The following KCTD18 variants were observed in gnomAD, a reference collection of about 807,000 sequenced individuals.
KCTD18 encodes the protein BTB/POZ domain-containing protein KCTD18.
Under a neutral mutation model 30.4 loss-of-function variants are expected in KCTD18, and 22 were observed. That is an observed-to-expected ratio of 0.72 (90% CI 0.52 to 1.03). The LOEUF (loss-of-function observed/expected upper bound fraction) is 1.03. Among genes scored for constraint, KCTD18 ranks in the 50% least tolerant of loss-of-function variants. The pLI, the probability that KCTD18 is intolerant of heterozygous loss-of-function variation, is 0.00. For synonymous variants in KCTD18, 186 were observed against 209.0 expected (o/e 0.89, Z 0.95); for missense variants, 529 against 547.6 (o/e 0.97, Z 0.34).
chr2:200,490,167 G>A lies in KCTD18; in HGVS notation c.1214C>T (p.Pro405Leu), dbSNP rs375338557. ...GGCACGGGCAGCTTCGCCGGGAAGC[G>A]GCTTGAGGGAGTTGGCCTGCCTCGT... ...TATRQANSLK[P>L]LPGEAARALG... Residue 405 changes from proline (P) to leucine (L), a missense_variant, in exon 7 of 7, where the codon CCG (proline) becomes CTG (leucine). Transcript: ENST00000359878. The A allele has an allele frequency of 3.1e-6, 5 of 1,610,818 alleles. No homozygotes were observed. The highest frequency in any genetic ancestry group is 1.3e-5 in the African/African-American group (1 of 74,870).
chr2:200,507,128 A>G lies in KCTD18; in HGVS notation c.-75-37T>C, dbSNP rs1458621546. ...AGGACAGTCATCCCCGCCATTTCCA[A>G]CAAGACACTAAATAGATAATATAAT... On this transcript the variant is annotated intron_variant, in intron 1 of 6. Transcript: ENST00000359878. 4.1e-6 allele frequency: 3 copies of G among 726,884 alleles called. No individual in the cohort carries two copies. In the East Asian group the frequency reaches 7.9e-5, roughly 19 times the overall value. 45.0% of individuals were successfully genotyped at this position (726,884 alleles called of 1,614,324 possible). A position where few individuals can be genotyped will look rare whatever the true frequency, so the allele number is the denominator to read the frequency against.
In KCTD18 at chr2:200,493,275, C is replaced by A; in HGVS notation, c.662-1G>T. The A allele has an allele frequency of 6.4e-7, 1 of 1,566,844 alleles. No individual in the cohort carries two copies. Among genetic ancestry groups the A allele is most frequent in the Non-Finnish European group, 8.8e-7 (1 of 1,136,924 alleles). On this transcript the variant is annotated splice_acceptor_variant, in intron 5 of 6. Coordinates refer to ENST00000359878, the MANE Select transcript of KCTD18 (RefSeq NM_152387.4). LOFTEE classifies it high-confidence loss of function. ...TGAGGCACCCGCCAGTAGCTAACAC[C>A]TGGAAGGTAAAAAGACATAATTAAG...
At chr2:200,494,075 C>A (rs571788654) in intron 5 of KCTD18, among the ~76,000 whole-genome samples, 1 of 152,148 alleles carries the variant, frequency 6.6e-6, no homozygotes, top group East Asian at 1.9e-4. Flanking sequence ...ATTCTTGAAG[C>A]CTCGAAAACA....
Position 200,509,835 on chromosome 2 carries a change from C to T in KCTD18, c.-283G>A, listed in dbSNP as rs2030425000. On this transcript the variant is annotated 5_prime_UTR_variant, in exon 1 of 7. Coordinates refer to ENST00000359878, the MANE Select transcript of KCTD18 (RefSeq NM_152387.4). ...AAAGCCCCGCCACGGTCTTCCGCGG[C>T]CTGGAGACCCCAAATCGGCCCGAAG... The T allele has an allele frequency of 6.6e-6, 1 of 152,166 alleles. No individual in the cohort carries two copies. The allele number at this position is 152,166 out of a possible 1,614,324, so 9.4% of individuals were successfully genotyped here.
intron 6 of KCTD18, 47 bp from the exon 7 acceptor site, chr2:200,490,663 A>C: frequency 6.6e-7 from 1 of 1,506,292 alleles, no homozygotes; most frequent in South Asian, 1.3e-5. Flanking sequence ...AGTTTTAGTA[A>C]CTCATGAAAA....
intron 3 of KCTD18, among the ~76,000 whole-genome samples, chr2:200,502,270 T>C (rs2029895693): frequency 6.6e-6 from 1 of 151,842 alleles, no homozygotes; most frequent in Non-Finnish European, 1.5e-5. Context: ...ACGTGTACCC[T>C]AAAACTTAAA....
intron 5 of KCTD18, chr2:200,497,539 CTAGT>C: frequency 2.1e-6 from 1 of 473,092 alleles, no homozygotes; most frequent in Non-Finnish European, 3.7e-6. Context: ...AGAAACATAC[CTAGT>C]TACTGAATTA....
In KCTD18 at chr2:200,490,061, T is replaced by G. The variant is rs1255649935; in HGVS notation, c.*39A>C. On this transcript the variant is annotated 3_prime_UTR_variant, in exon 7 of 7. Coordinates refer to ENST00000359878, the MANE Select transcript of KCTD18 (RefSeq NM_152387.4). ...CTTTGCGTCGAATGGGTTGAAAGCT[T>G]TGGGAGATGAACGGGAAATTTCAAG... is the stretch of plus-strand genomic sequence containing the variant. The G allele has an allele frequency of 4.6e-6, 7 of 1,527,724 alleles. No homozygotes were observed. The African/African-American group carries it at 9.6e-5, about 21-fold the overall frequency. The allele number at this position is 1,527,724 out of a possible 1,614,324, so 94.6% of individuals were successfully genotyped here.
In KCTD18 at chr2:200,497,795, A is replaced by G. The variant is rs1367274811; in HGVS notation, c.619T>C (p.Leu207=). ...YIWSYYSVAE[L]KKMMDAFDAW... The stretch of plus-strand genomic sequence containing the variant: ...TCAAAGGCATCCATCATTTTCTTCA[A>G]CTCTGCTACTGAATAATAGCTCCAA... The change falls in exon 5 of 7, where the codon TTG becomes CTG. Residue 207 remains leucine (L), a synonymous_variant. Coordinates refer to ENST00000359878, the MANE Select transcript of KCTD18 (RefSeq NM_152387.4). 3 of 1,612,780 alleles carry G rather than the reference A, an allele frequency of 1.9e-6. No individual in the cohort carries two copies. The highest frequency in any genetic ancestry group is 2.2e-5 in the East Asian group (1 of 44,772).
intron 5 of KCTD18, chr2:200,496,077 C>A (rs1179329078): frequency 6.6e-6 from 1 of 152,074 alleles, no homozygotes. Context: ...GCCACCACAC[C>A]CAGCTAATTT....
chr2:200,494,765 G>T (rs2087972275), intron 5 of KCTD18, among the ~76,000 whole-genome samples: 1 of 152,106 alleles, frequency 6.6e-6, no homozygotes, highest in South Asian at 2.1e-4. Flanking sequence ...TTTGACAAAT[G>T]GATATAGTTA....
In KCTD18 at chr2:200,490,513, T is replaced by C. The variant is rs2087898588; in HGVS notation, c.868A>G (p.Lys290Glu). 2.5e-6 allele frequency: 4 copies of C among 1,607,948 alleles called. No individual in the cohort carries two copies. The highest frequency in any genetic ancestry group is 3.4e-6 in the Non-Finnish European group (4 of 1,180,016). Reference sequence around the variant, plus strand: ...GACACCGTGACTGAGGCCGAGTTCTTGACTTTAATTTGGGTACTTGTGGAA... The same window carrying C: ...GACACCGTGACTGAGGCCGAGTTCTCGACTTTAATTTGGGTACTTGTGGAA... ...GPSTSTQIKV[K>E]NSASVTVSPA... The change falls in exon 7 of 7, where the codon AAG becomes GAG. Residue 290 changes from lysine to glutamate, a missense_variant. By Grantham distance (56) the Lys-to-Glu change is moderately conservative (BLOSUM62 1). Transcript: ENST00000359878.
At chr2:200,500,813 C>T (rs1458123324) in intron 3 of KCTD18, among the ~76,000 whole-genome samples, 4 of 151,938 alleles carry the variant, frequency 2.6e-5, no homozygotes, top group Non-Finnish European at 4.4e-5. Flanking sequence ...AAAAAGAGCC[C>T]GCATCGCCAA....
chr2:200,490,940 G>C (rs1171503011), intron 6 of KCTD18, among the ~76,000 whole-genome samples: 2 of 152,002 alleles, frequency 1.3e-5, no homozygotes, highest in Non-Finnish European at 2.9e-5. Context: ...GGGATAACCA[G>C]AAATATCACA....
rs552170011 is a variant in KCTD18 at position 200,489,895 on chromosome 2, T to C, written c.*205A>G. ...AATTCAAACTGCCCATAGACAATCA[T>C]ATAAAAGTTGGGAAAATGAGAAATG... On this transcript the variant is annotated 3_prime_UTR_variant, in exon 7 of 7. Transcript: ENST00000359878. The C allele has an allele frequency of 1.3e-4, 69 of 541,384 alleles. 2 individuals carry two copies. In the South Asian group the frequency reaches 1.7e-3, roughly 13 times the overall value. The allele number at this position is 541,384 out of a possible 1,614,324, so 33.5% of individuals were successfully genotyped here.
At chr2:200,500,877 T>G (rs1376616402) in intron 3 of KCTD18, among the ~76,000 whole-genome samples, 2 of 152,146 alleles carry the variant, frequency 1.3e-5, no homozygotes, top group Admixed American at 6.5e-5. Context: ...CTACCTGACT[T>G]CAAACTATAC....
chr2:200,493,858 T>C (rs566148283), intron 5 of KCTD18, among the ~76,000 whole-genome samples: 1 of 152,300 alleles, frequency 6.6e-6, no homozygotes, highest in South Asian at 2.1e-4. Context: ...CCTTGTCTAC[T>C]TCACTGGGTT....
intron 6 of KCTD18, 103 bp downstream of exon 6, chr2:200,493,069 G>A: frequency 1.5e-6 from 1 of 680,754 alleles, no homozygotes; most frequent in East Asian, 2.6e-5. Flanking sequence ...TGATTAATAA[G>A]CTTAGTAAGG....
In KCTD18 at chr2:200,504,772, TAA is replaced by T; in HGVS notation, c.346_347del (p.Leu116LysfsTer7). 6.2e-7 allele frequency: 1 copy of T among 1,613,922 alleles called. No individual in the cohort carries two copies. The highest frequency in any genetic ancestry group is 8.5e-7 in the Non-Finnish European group (1 of 1,179,924). On this transcript the variant is annotated frameshift_variant, in exon 3 of 7. Coordinates refer to ENST00000359878, the MANE Select transcript of KCTD18 (RefSeq NM_152387.4). LOFTEE classifies it high-confidence loss of function. ...HLANEMETYS[L>X]RSNIELKKAL... Reference sequence around the variant, plus strand: ...CCTTTTTAAGTTCTATATTTGACCTTAAAGAATATGTCTCCATTTCATTGGCC... The same window carrying T: ...CCTTTTTAAGTTCTATATTTGACCTTAGAATATGTCTCCATTTCATTGGCC...
Sources: gnomAD v4.1 joint callset for allele counts (sites outside exome capture counted in the v4.1 genomes callset) on GRCh38, gnomAD v4.1.1 for gene constraint, MANE v1.5 for transcripts, NCBI Gene and HGNC (gene_info 2026-07-23, HGNC 2026-07-21) for gene names.